The following CEP120 variants were observed in gnomAD, a reference collection of about 807,000 sequenced individuals.
CEP120 encodes centrosomal protein 120.
In CEP120, 113 loss-of-function variants were observed where a neutral mutation model predicts 126.5. That is an observed-to-expected ratio of 0.89 (90% CI 0.77 to 1.04). CEP120 has a LOEUF of 1.04. Ranked by LOEUF, CEP120 falls within the 50% of genes least tolerant of loss-of-function variation. The pLI is 0.00. For synonymous variants in CEP120, 400 were observed against 394.3 expected, an observed-to-expected ratio of 1.01 and a Z score of -0.17; for missense variants, 1,230 against 1,155.7, an observed-to-expected ratio of 1.06 and a Z score of -0.93.
intron 9 of CEP120, chr5:123,388,177 T>C (rs1772148929): frequency 4.4e-6 from 1 of 228,622 alleles, no homozygotes; most frequent in African/African-American, 2.3e-5. Context: ...TACATACATG[T>C]ATTATATTAC....
intron 16 of CEP120, among the ~76,000 whole-genome samples, chr5:123,373,097 C>T (rs1013781443): frequency 3.3e-5 from 5 of 151,898 alleles, no homozygotes; most frequent in African/African-American, 1.2e-4. Context: ...CTTAAGATGT[C>T]GCATATAAGA....
intron 4 of CEP120, 60 bp downstream of exon 4, chr5:123,412,339 T>C (rs1774111824): frequency 2.0e-6 from 3 of 1,527,192 alleles, no homozygotes; most frequent in African/African-American, 2.8e-5. Flanking sequence ...TCCCGCTTCC[T>C]AAAGCTCTAG....
At chr5:123,371,798 G>C (rs531923388) in intron 17 of CEP120, among the ~76,000 whole-genome samples, 11 of 152,226 alleles carry the variant, frequency 7.2e-5, no homozygotes, top group African/African-American at 2.6e-4. Context: ...TGTCTATGAG[G>C]GAAAGGAAGC....
At chr5:123,387,548 T>C (rs1772110614) in intron 9 of CEP120, among the ~76,000 whole-genome samples, 1 of 152,140 alleles carries the variant, frequency 6.6e-6, no homozygotes, top group South Asian at 2.1e-4. Context: ...GAGCATGGTA[T>C]GAAAATTTAT....
intron 17 of CEP120, among the ~76,000 whole-genome samples, chr5:123,371,817 C>T (rs1443813511): frequency 2.0e-5 from 3 of 152,088 alleles, no homozygotes; most frequent in Non-Finnish European, 4.4e-5. Flanking sequence ...GCCTTCAACA[C>T]AAAGCTGAGT....
chr5:123,397,913 G>C (rs368836712), intron 5 of CEP120, among the ~76,000 whole-genome samples: 103 of 152,164 alleles, frequency 6.8e-4, no homozygotes, highest in African/African-American at 2.5e-3. Flanking sequence ...GTGAAACCCT[G>C]TCTCTACAAA....
chr5:123,391,427 G>A (rs1301709581), intron 6 of CEP120, 90 bp from the exon 7 acceptor site: 2 of 1,011,616 alleles, frequency 2.0e-6, no homozygotes, highest in Non-Finnish European at 3.0e-6. Flanking sequence ...GTAAAATGAT[G>A]CATGGAAAGA....
rs570527486 is a variant in CEP120, at chr5:123,423,300, C to T, written c.-302G>A. On this transcript the variant is annotated 5_prime_UTR_variant, in exon 1 of 20. Coordinates refer to ENST00000306467, the MANE Select transcript of CEP120 (RefSeq NM_001375405.1). ...GAGGACCTTTTGCCGCCTGCGTAGC[C>T]GCTTTTCAAACGCCCGGGCGGCCGC... The T allele has an allele frequency of 7.2e-5, 30 of 418,954 alleles. 1 individual carries two copies. In the South Asian group the frequency reaches 9.7e-4, roughly 14 times the overall value. 26.0% of individuals were successfully genotyped at this position (418,954 alleles called of 1,614,324 possible).
chr5:123,422,784 A>T (rs191961610), intron 1 of CEP120, among the ~76,000 whole-genome samples, 166 bp downstream of exon 1: 1 of 152,332 alleles, frequency 6.6e-6, no homozygotes, highest in East Asian at 1.9e-4. Flanking sequence ...AGAGATTTTT[A>T]AATCAATTGC....
chr5:123,368,122 T>A (rs1388921545), intron 17 of CEP120, among the ~76,000 whole-genome samples: 29 of 151,976 alleles, frequency 1.9e-4, no homozygotes, highest in Non-Finnish European at 3.8e-4. Context: ...TTAATATGTT[T>A]AATGATTTCT....
chr5:123,368,298 A>T (rs1404997139), intron 17 of CEP120, among the ~76,000 whole-genome samples: 1 of 151,982 alleles, frequency 6.6e-6, no homozygotes, highest in Non-Finnish European at 1.5e-5. Context: ...GGTAAAATGG[A>T]AGTACTCTTA....
chr5:123,376,993 TTGA>T (rs2127033196), intron 16 of CEP120, among the ~76,000 whole-genome samples: 1 of 152,178 alleles, frequency 6.6e-6, no homozygotes, highest in East Asian at 1.9e-4. Flanking sequence ...GACAACAGTG[TTGA>T]TGATACCAAT....
chr5:123,360,139 C>G (rs1769967876), intron 18 of CEP120, among the ~76,000 whole-genome samples: 1 of 151,712 alleles, frequency 6.6e-6, no homozygotes, highest in Non-Finnish European at 1.5e-5. Flanking sequence ...CACAAACAAT[C>G]TTCTGAACAA....
At chr5:123,423,650 A>G (rs1236709460), upstream of CEP120, 5 of 152,382 alleles carry the variant, frequency 3.3e-5, no homozygotes, top group Non-Finnish European at 7.3e-5. Flanking sequence ...TACCTGCTTT[A>G]TGCTTCAGCC....
chr5:123,382,766 C>G lies in CEP120; in HGVS notation c.1984G>C (p.Glu662Gln). 6.2e-7 allele frequency: 1 copy of G among 1,612,644 alleles called. No homozygotes were observed. Among genetic ancestry groups the G allele is most frequent in the African/African-American group, 1.3e-5 (1 of 74,944 alleles). Reference protein sequence around the residue: ...KAALELEMWKEMQEDIFENQL... With the variant: ...KAALELEMWKQMQEDIFENQL... ...TTTTCAAATATATCTTCTTGCATCT[C>G]CTTCCACATTTCTAGCTCAAGTGCT... is the stretch of plus-strand genomic sequence containing the variant. Residue 662 changes from glutamate to glutamine, a missense_variant, in exon 13 of 20, where the codon GAG becomes CAG. Coordinates refer to ENST00000306467, the MANE Select transcript of CEP120 (RefSeq NM_001375405.1).
Position 123,393,341 on chromosome 5 carries a change from C to G in CEP120, c.769G>C (p.Glu257Gln). ...AGAGCCAGGTAAACACGAAGAATTT[C>G]TACACTGCTACGGATGCGAACTGAT... ...RASVRIRSSV[E>Q]ILRVYLALQS... Residue 257 changes from glutamate to glutamine, a missense_variant, in exon 6 of 20, where the codon GAA becomes CAA. Glu to Gln is a conservative substitution (Grantham distance 29). Coordinates refer to ENST00000306467, the MANE Select transcript of CEP120 (RefSeq NM_001375405.1). 1 of 1,614,176 alleles carries G rather than the reference C, an allele frequency of 6.2e-7. No homozygotes were observed. Among genetic ancestry groups the G allele is most frequent in the Non-Finnish European group, 8.5e-7 (1 of 1,180,020 alleles).
chr5:123,369,880 A>G (rs951510907), intron 17 of CEP120, among the ~76,000 whole-genome samples: 2 of 152,052 alleles, frequency 1.3e-5, no homozygotes, highest in African/African-American at 4.8e-5. Context: ...GTCTTGTTCA[A>G]TGCAAGACTA....
intron 1 of CEP120, among the ~76,000 whole-genome samples, chr5:123,421,265 T>C (rs976796362): frequency 1.3e-5 from 2 of 152,212 alleles, no homozygotes; most frequent in Non-Finnish European, 2.9e-5. Flanking sequence ...CTTGCTGATC[T>C]TTTCAATGTT....
rs369612860 is a variant in CEP120, at chr5:123,395,681, CTTT to C, written c.613-2187_613-2185del. Among the ~76,000 whole-genome samples, 84 of 127,386 alleles carry C rather than the reference CTTT, an allele frequency of 6.6e-4. No homozygotes were observed. In the East Asian group the frequency reaches 6.8e-3, roughly 10 times the overall value. The allele number at this position is 127,386 out of a possible 152,430, so 83.6% of individuals were successfully genotyped here. On this transcript the variant is annotated intron_variant, in intron 5 of 19. Coordinates refer to ENST00000306467, the MANE Select transcript of CEP120 (RefSeq NM_001375405.1). ...TGTGGCATGTATCAGTACTTCATTC[CTTT>C]TTTTTTTTTTTTTTTGAGACAGATT...
Sources: allele counts gnomAD v4.1 joint callset (sites outside exome capture counted in the v4.1 genomes callset), GRCh38; gene constraint gnomAD v4.1.1; transcripts MANE v1.5; gene names NCBI Gene and HGNC (gene_info 2026-07-23, HGNC 2026-07-21).